The following PFKFB3 variants were observed in gnomAD, a reference collection of about 807,000 sequenced individuals.
PFKFB3 encodes the protein 6-phosphofructo-2-kinase/fructose-2,6-bisphosphatase 3.
A neutral mutation model predicts 68.0 loss-of-function variants in PFKFB3; 33 were observed. The ratio of observed to expected loss-of-function variants is 0.49; its 90% CI spans 0.37 to 0.65. PFKFB3 has a LOEUF of 0.65. Among genes scored for constraint, PFKFB3 ranks in the 30% least tolerant of loss-of-function variants. The pLI is 0.00. For missense variants in PFKFB3, 586 were observed against 712.2 expected (o/e 0.82, Z 2.02); for synonymous variants, 315 against 288.2 (o/e 1.09, Z -0.94).
chr10:6,294,838 T>C, the PFKFB3 span, among the ~76,000 whole-genome samples: 1 of 152,254 alleles, frequency 6.6e-6, no homozygotes, highest in Non-Finnish European at 1.5e-5. Flanking sequence ...TCTTGGATGT[T>C]GTCCAACTTT....
At chr10:6,322,976 C>A in the PFKFB3 span, among the ~76,000 whole-genome samples, 1 of 152,166 alleles carries the variant, frequency 6.6e-6, no homozygotes, top group Non-Finnish European at 1.5e-5. Context: ...CTGTTGCATC[C>A]CCAGGACCTA....
At chr10:6,166,925 T>C (rs138924490) in intron 1 of PFKFB3, among the ~76,000 whole-genome samples, 2 of 151,636 alleles carry the variant, frequency 1.3e-5, no homozygotes, top group African/African-American at 4.8e-5. Context: ...TGCCTCCCAG[T>C]TTAAAGCAAT....
Position 6,215,655 on chromosome 10 carries a change from C to T in PFKFB3, c.299+338C>T, listed in dbSNP as rs928020376. Among the ~76,000 whole-genome samples, 1 of 152,172 alleles carries T rather than the reference C, an allele frequency of 6.6e-6. No individual in the cohort carries two copies. Among genetic ancestry groups the T allele is most frequent in the African/African-American group, 2.4e-5 (1 of 41,434 alleles). On this transcript the variant is annotated intron_variant, in intron 3 of 14. Transcript: ENST00000379775. This position sits in a 1 kb window ranked among gnomAD's most constrained non-coding sequence, Gnocchi z 4.3. ...TGGGACAGAGCCGCAGAAGCACCCT[C>T]ACTGAGAATTAGCAAGTCCTGTTCA... is the stretch of plus-strand genomic sequence containing the variant.
chr10:6,224,365 G>T, intron 13 of PFKFB3, 152 bp downstream of exon 13: 1 of 673,414 alleles, frequency 1.5e-6, no homozygotes, highest in Non-Finnish European at 2.6e-6. Context: ...GCACCTCTTT[G>T]TTCCTGCCTG....
chr10:6,304,980 C>T, the PFKFB3 span, among the ~76,000 whole-genome samples: 4 of 94,164 alleles, frequency 4.2e-5, no homozygotes, highest in African/African-American at 1.5e-4. Flanking sequence ...CCATCTCTTA[C>T]TATTTTAAAT....
chr10:6,302,777 CACATAT>C, the PFKFB3 span, among the ~76,000 whole-genome samples: 42 of 133,840 alleles, frequency 3.1e-4, no homozygotes, highest in African/African-American at 1.1e-3. Context: ...CACACACACA[CACATAT>C]ACACATACAC....
chr10:6,212,565 A>G (rs1355092313), intron 1 of PFKFB3, among the ~76,000 whole-genome samples: 4 of 152,180 alleles, frequency 2.6e-5, no homozygotes, highest in African/African-American at 9.7e-5. Context: ...ACAGGGCGTG[A>G]GAGGCTCGGG....
chr10:6,159,927 G>GTT (rs1191614817), intron 1 of PFKFB3, among the ~76,000 whole-genome samples: 1 of 144,176 alleles, frequency 6.9e-6, no homozygotes. Context: ...CCTGGCTATT[G>GTT]TTTTTTTTTT....
At chr10:6,231,220 C>A (rs759244268) in intron 14 of PFKFB3, 5 of 1,278,288 alleles carry the variant, frequency 3.9e-6, no homozygotes, top group Non-Finnish European at 3.4e-6. Flanking sequence ...TTTTTTTTTC[C>A]TTTTCCAACC....
At chr10:6,170,570 A>T in intron 1 of PFKFB3, among the ~76,000 whole-genome samples, 1 of 152,364 alleles carries the variant, frequency 6.6e-6, no homozygotes, top group African/African-American at 2.4e-5. Context: ...TTTAAACCAG[A>T]CTAGAAACTT....
chr10:6,255,139 CT>C (rs113753232), downstream of PFKFB3, among the ~76,000 whole-genome samples: 1,013 of 124,968 alleles, frequency 8.1e-3, 10 homozygotes, highest in South Asian at 0.04. Flanking sequence ...TTTTCTTCTT[CT>C]TTTTTTTTTT....
intron 1 of PFKFB3, among the ~76,000 whole-genome samples, chr10:6,212,405 G>A (rs772774105): frequency 3.9e-5 from 6 of 152,182 alleles, no homozygotes; most frequent in South Asian, 4.1e-4. Flanking sequence ...ATGTAGCAGC[G>A]GAAGCCAGGA....
At chr10:6,237,466 G>T (rs955110250), downstream of PFKFB3, among the ~76,000 whole-genome samples, 1 of 152,272 alleles carries the variant, frequency 6.6e-6, no homozygotes, top group Non-Finnish European at 1.5e-5. Flanking sequence ...TGTGAGCAAA[G>T]ATGTCGTTGA....
chr10:6,296,026 G>A, the PFKFB3 span, among the ~76,000 whole-genome samples: 1 of 152,128 alleles, frequency 6.6e-6, no homozygotes, highest in African/African-American at 2.4e-5. Context: ...CTGCTCCCAG[G>A]AAGCTGTCAT....
intron 1 of PFKFB3, among the ~76,000 whole-genome samples, chr10:6,168,499 A>T (rs2131735959): frequency 6.6e-6 from 1 of 152,346 alleles, no homozygotes; most frequent in South Asian, 2.1e-4. Context: ...GATTAACACG[A>T]GCAGCTAAGC....
chr10:6,257,821 G>C (rs1390234239), downstream of PFKFB3, among the ~76,000 whole-genome samples: 2 of 152,148 alleles, frequency 1.3e-5, no homozygotes, highest in African/African-American at 2.4e-5. Flanking sequence ...TGTAATTTCA[G>C]ATCGGGTCTG....
chr10:6,226,370 G>A lies in PFKFB3; in HGVS notation c.1515+5G>A. On this transcript the variant is annotated splice_donor_5th_base_variant and intron_variant, in intron 14 of 14. Transcript: ENST00000379775. ...CCCACGCAGCTGCCTGGACAAGTCAGTGCACTCCCCTTTCCTTCCTGCCTG... is the reference window on the plus strand; with the variant it reads ...CCCACGCAGCTGCCTGGACAAGTCAATGCACTCCCCTTTCCTTCCTGCCTG... 6.2e-7 allele frequency: 1 copy of A among 1,604,726 alleles called. No individual in the cohort carries two copies.
At chr10:6,151,924 C>T (rs1361825256) in intron 1 of PFKFB3, among the ~76,000 whole-genome samples, 2 of 151,588 alleles carry the variant, frequency 1.3e-5, no homozygotes, top group Non-Finnish European at 2.9e-5. Context: ...ACAGAACCGC[C>T]CTCCTGCAGC....
At chr10:6,177,267 T>C (rs1842499840) in intron 1 of PFKFB3, among the ~76,000 whole-genome samples, 1 of 152,236 alleles carries the variant, frequency 6.6e-6, no homozygotes, top group Non-Finnish European at 1.5e-5. Flanking sequence ...TGGGCGTTCA[T>C]GTCTTAGAAT....
Sources: gnomAD v4.1 joint callset for allele counts (sites outside exome capture counted in the v4.1 genomes callset) on GRCh38, gnomAD v4.1.1 for gene constraint, Gnocchi (gnomAD v3.1) non-coding constraint, MANE v1.5 for transcripts, NCBI Gene and HGNC (gene_info 2026-07-23, HGNC 2026-07-21) for gene names.